The following BICD1 variants were observed in gnomAD, a reference collection of about 807,000 sequenced individuals.
BICD1 encodes protein bicaudal D homolog 1.
In BICD1, 35 loss-of-function variants were observed where a neutral mutation model predicts 92.5. The observed-to-expected ratio is 0.38, with a 90% CI of 0.29 to 0.50. The LOEUF is 0.50. Among genes scored for constraint, BICD1 ranks in the 20% least tolerant of loss-of-function variants. The pLI is 0.93. For synonymous variants in BICD1, 429 were observed against 465.1 expected, an observed-to-expected ratio of 0.92 and a Z score of 1.00; for missense variants, 950 against 1,189.8, an observed-to-expected ratio of 0.80 and a Z score of 2.97.
At chr12:32,279,720 G>A (rs184082215) in intron 2 of BICD1, among the ~76,000 whole-genome samples, 34 of 152,344 alleles carry the variant, frequency 2.2e-4, no homozygotes, top group Admixed American at 6.5e-4. Context: ...AATGGAGGCA[G>A]GTATCCCATG....
At chr12:32,120,098 C>A (rs1942088275) in intron 1 of BICD1, among the ~76,000 whole-genome samples, 1 of 151,990 alleles carries the variant, frequency 6.6e-6, no homozygotes, top group Non-Finnish European at 1.5e-5. Context: ...TTTAAAAGTT[C>A]TCTCTTATTG....
At chr12:32,261,368 T>G (rs922112830) in intron 2 of BICD1, among the ~76,000 whole-genome samples, 5 of 152,196 alleles carry the variant, frequency 3.3e-5, no homozygotes, top group African/African-American at 1.2e-4. Context: ...TCCGGCTTAG[T>G]GCTTGTTGGT....
intron 1 of BICD1, among the ~76,000 whole-genome samples, chr12:32,215,871 G>T (rs1414089460): frequency 6.9e-6 from 1 of 144,934 alleles, no homozygotes; most frequent in Non-Finnish European, 1.5e-5. Flanking sequence ...GGAGAATGGC[G>T]TGAACCCGGG....
chr12:32,223,315 C>T (rs183007939), intron 2 of BICD1, among the ~76,000 whole-genome samples: 2 of 152,208 alleles, frequency 1.3e-5, no homozygotes, highest in Non-Finnish European at 2.9e-5. Context: ...GTCAAGAGTT[C>T]GAGACCAGGC....
chr12:32,141,831 C>A (rs1158732697), intron 1 of BICD1, among the ~76,000 whole-genome samples: 1 of 152,138 alleles, frequency 6.6e-6, no homozygotes, highest in Admixed American at 6.5e-5. Flanking sequence ...GGTTTTCTAG[C>A]CTTTTTATTC....
At chr12:32,243,305 G>T (rs915288918) in intron 2 of BICD1, among the ~76,000 whole-genome samples, 6 of 126,612 alleles carry the variant, frequency 4.7e-5, no homozygotes, top group African/African-American at 1.8e-4. Flanking sequence ...GTAGAGACAG[G>T]GTTTTGCCAT....
intron 8 of BICD1, among the ~76,000 whole-genome samples, chr12:32,363,800 C>A (rs1448349560): frequency 6.6e-6 from 1 of 152,174 alleles, no homozygotes; most frequent in Non-Finnish European, 1.5e-5. Context: ...TTCAGCTCAG[C>A]CCTTGGACCA....
chr12:32,305,060 G>A (rs1326716145), intron 3 of BICD1, among the ~76,000 whole-genome samples: 1 of 151,998 alleles, frequency 6.6e-6, no homozygotes. Context: ...CAAAAGCAAT[G>A]TAGGTATTTT....
At chr12:32,158,965 G>A (rs1361508713) in intron 1 of BICD1, among the ~76,000 whole-genome samples, 2 of 151,818 alleles carry the variant, frequency 1.3e-5, no homozygotes, top group Non-Finnish European at 2.9e-5. Flanking sequence ...ATGGAGTCTC[G>A]CTCTGTCGCC....
In BICD1 at chr12:32,347,738, G is replaced by T. The variant is rs370530064; in HGVS notation, c.2764+8759G>T. Among the ~76,000 whole-genome samples the T allele has an allele frequency of 5.3e-5, 8 of 151,344 alleles. No homozygotes were observed. In the South Asian group the frequency reaches 8.3e-4, roughly 16 times the overall value. ...TCAATATAAAAACTTAATTACTTAG[G>T]TATATCCTAACAAAACATATTCCTT... On this transcript the variant is annotated intron_variant, in intron 8 of 9. Coordinates refer to ENST00000652176, the MANE Select transcript of BICD1 (RefSeq NM_001714.4).
At chr12:32,175,080 A>T (rs1944053098) in intron 1 of BICD1, among the ~76,000 whole-genome samples, 1 of 152,034 alleles carries the variant, frequency 6.6e-6, no homozygotes, top group African/African-American at 2.4e-5. Context: ...ATTTTCTAGC[A>T]TTTATTATTT....
chr12:32,181,794 A>T (rs995414529), intron 1 of BICD1, among the ~76,000 whole-genome samples: 7 of 152,050 alleles, frequency 4.6e-5, no homozygotes, highest in African/African-American at 1.2e-4. Flanking sequence ...ACACTGACCT[A>T]TGTAATTTTA....
At chr12:32,248,287 ACC>A in intron 2 of BICD1, among the ~76,000 whole-genome samples, 1 of 152,314 alleles carries the variant, frequency 6.6e-6, no homozygotes, top group South Asian at 2.1e-4. Context: ...GGTGATAGGA[ACC>A]AAGGTCTGAT....
At chr12:32,214,433 A>G (rs1375812678) in intron 1 of BICD1, among the ~76,000 whole-genome samples, 3 of 152,176 alleles carry the variant, frequency 2.0e-5, no homozygotes, top group Non-Finnish European at 4.4e-5. Context: ...CTATATGCCT[A>G]TGACTATCTA....
At chr12:32,116,510 C>CTCTCTCTATATATA (rs1233964108) in intron 1 of BICD1, among the ~76,000 whole-genome samples, 3 of 104,370 alleles carry the variant, frequency 2.9e-5, no homozygotes, top group Non-Finnish European at 5.7e-5. Context: ...CTCTCTCTCT[C>CTCTCTCTATATATA]TATATATATA....
At chr12:32,135,783 C>T (rs1356385154) in intron 1 of BICD1, among the ~76,000 whole-genome samples, 1 of 152,118 alleles carries the variant, frequency 6.6e-6, no homozygotes, top group Non-Finnish European at 1.5e-5. Context: ...GTTCTTCCCT[C>T]ATTTACATCA....
At chr12:32,158,563 A>G (rs114999390) in intron 1 of BICD1, among the ~76,000 whole-genome samples, 1,837 of 152,344 alleles carry the variant, frequency 0.012, 36 homozygotes, top group African/African-American at 0.043. Flanking sequence ...AATATTAGCT[A>G]TTCTTTTTCT....
chr12:32,115,712 A>AG (rs1941867602), intron 1 of BICD1, among the ~76,000 whole-genome samples: 1 of 152,236 alleles, frequency 6.6e-6, no homozygotes, highest in Admixed American at 6.5e-5. Flanking sequence ...TAGCAGACCC[A>AG]GGGGAATGAT....
chr12:32,337,436 C>G lies in BICD1; in HGVS notation c.2253-63C>G. ...TTCGGTCAAATTTATTACTTTTCAG[C>G]TTAACTCCCAAATTCAGTTTCACCA... On this transcript the variant is annotated intron_variant, in intron 6 of 9. Transcript: ENST00000652176. This position sits in a 1 kb window ranked among gnomAD's most constrained non-coding sequence, Gnocchi z 4.7. 5.4e-6 allele frequency: 8 copies of G among 1,492,952 alleles called. No homozygotes were observed. Among genetic ancestry groups the G allele is most frequent in the Non-Finnish European group, 7.3e-6 (8 of 1,095,694 alleles). 92.5% of individuals were successfully genotyped at this position (1,492,952 alleles called of 1,614,324 possible).
Sources: gnomAD v4.1 joint callset for allele counts (sites outside exome capture counted in the v4.1 genomes callset) on GRCh38, gnomAD v4.1.1 for gene constraint, Gnocchi (gnomAD v3.1) non-coding constraint, MANE v1.5 for transcripts, NCBI Gene and HGNC (gene_info 2026-07-23, HGNC 2026-07-21) for gene names.